AOPEP: variants seen among roughly 807,000 people sequenced by gnomAD.
The protein encoded by AOPEP is aminopeptidase O (putative).
AOPEP carries 77 observed loss-of-function variants against 98.1 expected under a neutral mutation model. The ratio of observed to expected loss-of-function variants is 0.78; its 90% CI spans 0.65 to 0.95. The LOEUF is 0.95. Among genes scored for constraint, AOPEP ranks in the 40% least tolerant of loss-of-function variants. The pLI is 0.00. For synonymous variants in AOPEP, 346 were observed against 365.3 expected (o/e 0.95, Z 0.60); for missense variants, 1,024 against 1,024.7 (o/e 1.00, Z 0.01).
chr9:94,995,833 G>A (rs1378052533), intron 11 of AOPEP, among the ~76,000 whole-genome samples: 2 of 152,190 alleles, frequency 1.3e-5, no homozygotes, highest in African/African-American at 2.4e-5. Context: ...AAGCTCTAAT[G>A]TTCTTTGTGG....
In AOPEP at chr9:94,759,691, T is replaced by C; in HGVS notation, c.-93T>C. ...TAATTTGTGACATCAGTTGTTTTCT[T>C]TGATAAGCAGCTATTTATGATTCTG... On this transcript the variant is annotated 5_prime_UTR_variant, in exon 2 of 17. Transcript: ENST00000375315. The C allele has an allele frequency of 9.9e-7, 1 of 1,005,516 alleles. No individual in the cohort carries two copies. The highest frequency in any genetic ancestry group is 2.5e-5 in the East Asian group (1 of 39,662). 62.3% of individuals were successfully genotyped at this position (1,005,516 alleles called of 1,614,324 possible).
At chr9:94,819,490 C>T (rs1852494568) in intron 5 of AOPEP, among the ~76,000 whole-genome samples, 1 of 152,220 alleles carries the variant, frequency 6.6e-6, no homozygotes, top group Non-Finnish European at 1.5e-5. Flanking sequence ...GCATACACAG[C>T]ATTTTGTAAA....
At position 94,855,543 on chromosome 9, in the gene AOPEP, C is replaced by T. The variant is rs1017563190; in HGVS notation, c.1364+54541C>T. Among the ~76,000 whole-genome samples, 21 of 152,016 alleles carry T rather than the reference C, an allele frequency of 1.4e-4. No homozygotes were observed. The East Asian group carries it at 2.2e-3, about 16-fold the overall frequency. ...GTCTCTACTGAAAATACAAGTTAGC[C>T]AGACGTGATGGCGCATGCCTGTAGT... is the stretch of plus-strand genomic sequence containing the variant. On this transcript the variant is annotated intron_variant, in intron 5 of 16. Transcript: ENST00000375315.
At chr9:94,968,004 C>T (rs925296579) in intron 10 of AOPEP, among the ~76,000 whole-genome samples, 7 of 152,032 alleles carry the variant, frequency 4.6e-5, no homozygotes, top group Non-Finnish European at 8.8e-5. Context: ...CCAGTGTGCA[C>T]GACTGAAGAT....
chr9:95,072,773 C>T (rs989282399), intron 14 of AOPEP, among the ~76,000 whole-genome samples: 2 of 152,206 alleles, frequency 1.3e-5, no homozygotes, highest in African/African-American at 4.8e-5. Flanking sequence ...ATTGTTATAT[C>T]ATAGACATGC....
chr9:95,048,777 G>A lies in AOPEP; in HGVS notation c.2116-11917G>A, dbSNP rs186855179. The A allele has an allele frequency of 7.9e-5, 12 of 152,318 alleles. No homozygotes were observed. In the East Asian group the frequency reaches 2.3e-3, roughly 29 times the overall value. 9.4% of individuals were successfully genotyped at this position (152,318 alleles called of 1,614,324 possible). On this transcript the variant is annotated intron_variant, in intron 13 of 16. Coordinates refer to ENST00000375315, the MANE Select transcript of AOPEP (RefSeq NM_001193329.3). ...CTTTTAAATTCAGAGTGATTCAAGG[G>A]CATAGGCGTCGGAATTGTGATTTCG...
the AOPEP span, among the ~76,000 whole-genome samples, chr9:95,115,073 T>C: frequency 1.3e-5 from 2 of 152,196 alleles, no homozygotes; most frequent in African/African-American, 4.8e-5. Flanking sequence ...CCCCAGTAGC[T>C]GGGACTACAG....
chr9:95,093,404 A>T, the AOPEP span, among the ~76,000 whole-genome samples: 1 of 152,234 alleles, frequency 6.6e-6, no homozygotes, highest in Non-Finnish European at 1.5e-5. Context: ...CACGGTGACT[A>T]CGGTGCAAGG....
chr9:94,821,657 A>G (rs1050979242), intron 5 of AOPEP, among the ~76,000 whole-genome samples: 7 of 152,350 alleles, frequency 4.6e-5, no homozygotes, highest in African/African-American at 1.7e-4. Flanking sequence ...GAACATCCGT[A>G]TGCCCCTGAC....
In AOPEP at chr9:95,082,543, G is replaced by A. The variant is rs368603519; in HGVS notation, c.2320-32G>A. On this transcript the variant is annotated intron_variant, in intron 15 of 16. Transcript: ENST00000375315. ...CGTGTGTGTGGGTACCCACACCTTCGCCTGATGCCCTTTGGCCTCTGTGCC... is the reference window on the plus strand; with the variant it reads ...CGTGTGTGTGGGTACCCACACCTTCACCTGATGCCCTTTGGCCTCTGTGCC... 1.1e-5 allele frequency: 18 copies of A among 1,610,200 alleles called. No homozygotes were observed. The African/African-American group carries it at 1.2e-4, about 11-fold the overall frequency.
intron 5 of AOPEP, among the ~76,000 whole-genome samples, chr9:94,889,005 C>T (rs1184873551): frequency 6.6e-6 from 1 of 152,080 alleles, no homozygotes; most frequent in East Asian, 1.9e-4. Context: ...CGGCGGCTTC[C>T]TCTCCCCTGC....
At chr9:94,783,040 AC>A (rs1160081215) in intron 3 of AOPEP, among the ~76,000 whole-genome samples, 6 of 152,134 alleles carry the variant, frequency 3.9e-5, no homozygotes, top group Admixed American at 1.3e-4. Flanking sequence ...ACTCAAGTTT[AC>A]CTGTGACCAC....
At chr9:95,028,841 A>G (rs919383596) in intron 13 of AOPEP, among the ~76,000 whole-genome samples, 1 of 152,198 alleles carries the variant, frequency 6.6e-6, no homozygotes, top group African/African-American at 2.4e-5. Context: ...TCTATTATAG[A>G]TAGAGCATTG....
chr9:94,827,773 C>T (rs1447118354), intron 5 of AOPEP, among the ~76,000 whole-genome samples: 3 of 152,084 alleles, frequency 2.0e-5, no homozygotes, highest in Non-Finnish European at 4.4e-5. Context: ...AGTGGGATCC[C>T]TAGGCTTTCA....
chr9:94,929,214 A>T (rs551449690), intron 7 of AOPEP, among the ~76,000 whole-genome samples: 1 of 152,178 alleles, frequency 6.6e-6, no homozygotes, highest in Admixed American at 6.5e-5. Context: ...CTTCCACTAG[A>T]GTCAGATGTT....
the AOPEP span, chr9:95,101,824 G>A: frequency 4.2e-5 from 67 of 1,613,908 alleles, no homozygotes; most frequent in Middle Eastern, 3.3e-4. Flanking sequence ...CAATGATCTC[G>A]TGAGTTATCT....
chr9:95,142,288 C>T, the AOPEP span, among the ~76,000 whole-genome samples: 1 of 151,834 alleles, frequency 6.6e-6, no homozygotes, highest in African/African-American at 2.4e-5. Flanking sequence ...CCACCGTGCC[C>T]GGCCACCAAC....
chr9:94,936,986 G>A (rs1181290894), intron 7 of AOPEP, among the ~76,000 whole-genome samples: 2 of 152,220 alleles, frequency 1.3e-5, no homozygotes, highest in Non-Finnish European at 1.5e-5. Flanking sequence ...CTTTCCCTGC[G>A]TTCAGCTATC....
chr9:94,865,986 G>C (rs920438430), intron 5 of AOPEP, among the ~76,000 whole-genome samples: 2 of 152,220 alleles, frequency 1.3e-5, no homozygotes, highest in Non-Finnish European at 2.9e-5. Flanking sequence ...TACATTTACA[G>C]AGATGAGGGC....
Sources: allele counts gnomAD v4.1 joint callset (sites outside exome capture counted in the v4.1 genomes callset), GRCh38; gene constraint gnomAD v4.1.1; transcripts MANE v1.5; gene names NCBI Gene and HGNC (gene_info 2026-07-23, HGNC 2026-07-21).